Variants in KANK1 observed in about 807,000 individuals in gnomAD.
KANK1 encodes KN motif and ankyrin repeat domains 1.
In KANK1, 109 loss-of-function variants were observed where a neutral mutation model predicts 106.2. The observed-to-expected ratio is 1.03, with a 90% CI of 0.88 to 1.20. The LOEUF is 1.20. Ranked by LOEUF, KANK1 falls within the 50% of genes most tolerant of loss-of-function variation. KANK1 has a pLI of 0.00. For missense variants in KANK1, 2,399 were observed against 1,710.7 expected (o/e 1.40, Z -7.10); for synonymous variants, 873 against 652.2 (o/e 1.34, Z -5.16).
At chr9:558,944 A>T (rs1222298621) in intron 1 of KANK1, 2 of 152,130 alleles carry the variant, frequency 1.3e-5, no homozygotes, top group South Asian at 2.1e-4. Context: ...AGAAAAAAAA[A>T]TTTTGGTTCT....
At chr9:690,977 TTC>T in intron 2 of KANK1, among the ~76,000 whole-genome samples, 1 of 152,346 alleles carries the variant, frequency 6.6e-6, no homozygotes, top group South Asian at 2.1e-4. Flanking sequence ...CTTACTTGGC[TTC>T]TTTCTTTGTA....
chr9:638,568 C>T (rs921828239), intron 1 of KANK1, among the ~76,000 whole-genome samples: 4 of 152,122 alleles, frequency 2.6e-5, no homozygotes, highest in African/African-American at 9.7e-5. Flanking sequence ...TGTAAAGTGC[C>T]TCAATGTGTT....
rs761390167 is a variant in KANK1 at position 712,821 on chromosome 9, C to T, written c.2055C>T (p.Asn685=). The change falls in exon 3 of 12, where the codon AAC becomes AAT. Residue 685 remains asparagine (N), a synonymous_variant. Coordinates refer to ENST00000382297, the MANE Select transcript of KANK1 (RefSeq NM_015158.5). ...TDLEQVHQFT[N]TETATLIESC... Reference sequence around the variant, plus strand: ...TGGAACAGGTGCACCAGTTCACCAACACCGAGACGGCCACCCTCATAGAGT... The same window carrying T: ...TGGAACAGGTGCACCAGTTCACCAATACCGAGACGGCCACCCTCATAGAGT... 12 of 1,613,830 alleles carry T rather than the reference C, an allele frequency of 7.4e-6. No homozygotes were observed. In the South Asian group the frequency reaches 9.9e-5, roughly 13 times the overall value.
At chr9:738,695 GAC>G (rs1476026660) in intron 8 of KANK1, among the ~76,000 whole-genome samples, 191 bp downstream of exon 8, 2 of 152,214 alleles carry the variant, frequency 1.3e-5, no homozygotes, top group African/African-American at 4.8e-5. Context: ...AAAACTGGGT[GAC>G]ACAGATTCTA....
At chr9:702,390 C>G (rs1234420669) in intron 2 of KANK1, among the ~76,000 whole-genome samples, 1 of 152,182 alleles carries the variant, frequency 6.6e-6, no homozygotes, top group Non-Finnish European at 1.5e-5. Context: ...CCCATCCCCA[C>G]TAGACTGTGA....
At chr9:672,873 C>T (rs1563964393) in intron 1 of KANK1, among the ~76,000 whole-genome samples, 1 of 152,230 alleles carries the variant, frequency 6.6e-6, no homozygotes, top group Non-Finnish European at 1.5e-5. Context: ...ATGTATTTTC[C>T]TAAATCGTTT....
chr9:619,984 A>G (rs1018235654), intron 1 of KANK1, among the ~76,000 whole-genome samples: 1 of 152,080 alleles, frequency 6.6e-6, no homozygotes, highest in African/African-American at 2.4e-5. Context: ...TAAAAATAAG[A>G]AAATTAGCCT....
intron 1 of KANK1, among the ~76,000 whole-genome samples, chr9:544,171 C>T (rs1188335698): frequency 6.6e-6 from 1 of 151,780 alleles, no homozygotes; most frequent in African/African-American, 2.4e-5. Flanking sequence ...CAGGTGTGCA[C>T]CACCATACCC....
At chr9:603,841 C>G (rs890164907) in intron 1 of KANK1, among the ~76,000 whole-genome samples, 2 of 151,058 alleles carry the variant, frequency 1.3e-5, no homozygotes, top group Non-Finnish European at 2.9e-5. Context: ...GCGCCATAGT[C>G]CCAGCTACTC....
chr9:676,738 C>G (rs1421309282), intron 1 of KANK1, among the ~76,000 whole-genome samples, 152 bp from the exon 2 acceptor site: 2 of 152,162 alleles, frequency 1.3e-5, no homozygotes, highest in Admixed American at 6.5e-5. Flanking sequence ...ACTGCCAGGT[C>G]CAATGCAGTC....
rs1162468523 is a variant in KANK1, at chr9:527,322, A to G, written c.-84+22568A>G. On this transcript the variant is annotated intron_variant, in intron 1 of 11. Transcript: ENST00000382297. ...GTTTGTTTGTTTGTTTGTTTTTGAA[A>G]TGGAGTTTCACTCTTGTCGCCCTGG... Among the ~76,000 whole-genome samples, 28 of 148,556 alleles carry G rather than the reference A, an allele frequency of 1.9e-4. No homozygotes were observed. In the Admixed American group the frequency reaches 1.9e-3, roughly 10 times the overall value.
chr9:671,368 G>T (rs539299648), intron 1 of KANK1, among the ~76,000 whole-genome samples: 1 of 151,876 alleles, frequency 6.6e-6, no homozygotes, highest in Non-Finnish European at 1.5e-5. Context: ...TACTGGGGCC[G>T]GGCGCGGTGG....
chr9:597,637 C>G (rs1423438906), intron 1 of KANK1, among the ~76,000 whole-genome samples: 1 of 151,268 alleles, frequency 6.6e-6, no homozygotes, highest in African/African-American at 2.4e-5. Context: ...TAGTTTTTCT[C>G]ATTTTTAAGG....
At chr9:500,648 T>A (rs1181464184), upstream of KANK1, among the ~76,000 whole-genome samples, 1 of 152,256 alleles carries the variant, frequency 6.6e-6, no homozygotes, top group Non-Finnish European at 1.5e-5. Context: ...ATGAAGGTGA[T>A]TTATCAGAAA....
intron 1 of KANK1, among the ~76,000 whole-genome samples, chr9:554,170 T>C (rs956844406): frequency 6.6e-6 from 1 of 152,218 alleles, no homozygotes; most frequent in African/African-American, 2.4e-5. Context: ...TCTCAAGATC[T>C]GCCATCTGCA....
intron 3 of KANK1, among the ~76,000 whole-genome samples, chr9:493,802 C>T (rs981096296): frequency 1.3e-5 from 2 of 152,002 alleles, no homozygotes; most frequent in African/African-American, 4.8e-5. Flanking sequence ...CCACCTCAGC[C>T]TCCCAAAATG....
At chr9:589,496 G>C (rs1373845163) in intron 1 of KANK1, among the ~76,000 whole-genome samples, 1 of 152,128 alleles carries the variant, frequency 6.6e-6, no homozygotes, top group Non-Finnish European at 1.5e-5. Flanking sequence ...TACTAAAAGA[G>C]AGGGAGGTAC....
At chr9:520,703 G>C (rs2059504954) in intron 1 of KANK1, among the ~76,000 whole-genome samples, 1 of 151,900 alleles carries the variant, frequency 6.6e-6, no homozygotes. Context: ...TTATGCCTCA[G>C]AAATCTGCCT....
Position 745,948 on chromosome 9 carries a change from C to CG in KANK1, c.*715dup, listed in dbSNP as rs1564154442. On this transcript the variant is annotated 3_prime_UTR_variant, in exon 12 of 12. Coordinates refer to ENST00000382297, the MANE Select transcript of KANK1 (RefSeq NM_015158.5). Reference sequence around the variant, plus strand: ...AAAGGTTGGATTGTGTTAGAGGAATCGGCTCTGTATTTGCCTCTAGAGAAA... The same window carrying CG: ...AAAGGTTGGATTGTGTTAGAGGAATCGGGCTCTGTATTTGCCTCTAGAGAAA... The CG allele has an allele frequency of 6.6e-6, 1 of 152,626 alleles. No individual in the cohort carries two copies. The allele number at this position is 152,626 out of a possible 1,614,324, so 9.5% of individuals were successfully genotyped here. A position where few individuals can be genotyped will look rare whatever the true frequency, so the allele number is the denominator to read the frequency against.
Sources: gnomAD v4.1 joint callset for allele counts (sites outside exome capture counted in the v4.1 genomes callset) on GRCh38, gnomAD v4.1.1 for gene constraint, MANE v1.5 for transcripts, NCBI Gene and HGNC (gene_info 2026-07-23, HGNC 2026-07-21) for gene names.